The following LYPLAL1 variants were observed in gnomAD, a reference collection of about 807,000 sequenced individuals.
LYPLAL1 encodes lysophospholipase like 1, also known as lysophospholipase-like protein 1.
Under a neutral mutation model 19.7 loss-of-function variants are expected in LYPLAL1, and 23 were observed. The ratio of observed to expected loss-of-function variants is 1.17; its 90% CI spans 0.84 to 1.65. LYPLAL1 has a LOEUF of 1.65. LYPLAL1 is among the 40% of genes most tolerant of loss of function. The pLI, the probability that LYPLAL1 is intolerant of heterozygous loss-of-function variation, is 0.00. For missense variants in LYPLAL1, 355 were observed against 279.4 expected (o/e 1.27, Z -1.93); for synonymous variants, 119 against 96.3 (o/e 1.24, Z -1.38).
At chr1:219,263,985 A>G in the LYPLAL1 span, among the ~76,000 whole-genome samples, 1 of 152,194 alleles carries the variant, frequency 6.6e-6, no homozygotes, top group African/African-American at 2.4e-5. Flanking sequence ...AAAAGTTCAT[A>G]GTGTGAGTCT....
At chr1:219,309,492 A>T in the LYPLAL1 span, among the ~76,000 whole-genome samples, 1 of 152,114 alleles carries the variant, frequency 6.6e-6, no homozygotes, top group Non-Finnish European at 1.5e-5. Flanking sequence ...GTCCCCACCC[A>T]TATCTCATCT....
the LYPLAL1 span, among the ~76,000 whole-genome samples, chr1:219,277,913 AG>A: frequency 2.2e-5 from 1 of 45,576 alleles, no homozygotes; most frequent in African/African-American, 6.2e-5. Flanking sequence ...GTTTCCAAGG[AG>A]AAGAAGTTTT....
At chr1:219,400,402 A>G in the LYPLAL1 span, among the ~76,000 whole-genome samples, 1,705 of 152,278 alleles carry the variant, frequency 0.011, 35 homozygotes, top group African/African-American at 0.038. Context: ...AATATCATCA[A>G]TAAGAAATTC....
chr1:219,271,289 A>G, the LYPLAL1 span: 1 of 151,928 alleles, frequency 6.6e-6, no homozygotes, highest in Non-Finnish European at 1.5e-5. Flanking sequence ...TCTGTGGGAC[A>G]TGGAGAAACT....
the LYPLAL1 span, among the ~76,000 whole-genome samples, chr1:219,376,540 T>C: frequency 1.1e-4 from 16 of 152,132 alleles, no homozygotes; most frequent in African/African-American, 3.9e-4. Flanking sequence ...AGACAAGTCA[T>C]GGAATAGCAC....
At chr1:219,398,061 A>C in the LYPLAL1 span, among the ~76,000 whole-genome samples, 2 of 152,200 alleles carry the variant, frequency 1.3e-5, no homozygotes, top group African/African-American at 4.8e-5. Flanking sequence ...GTAGCTTTGA[A>C]GTTCACTGCA....
chr1:219,283,179 T>G, the LYPLAL1 span, among the ~76,000 whole-genome samples: 1 of 152,230 alleles, frequency 6.6e-6, no homozygotes, highest in Non-Finnish European at 1.5e-5. Flanking sequence ...AGCTCCATAT[T>G]TGGTGCTCTT....
chr1:219,441,096 G>A, the LYPLAL1 span, among the ~76,000 whole-genome samples: 2 of 152,112 alleles, frequency 1.3e-5, no homozygotes, highest in African/African-American at 4.8e-5. Context: ...AATTCTACAG[G>A]AAAACAATGT....
the LYPLAL1 span, among the ~76,000 whole-genome samples, chr1:219,257,357 TTG>T: frequency 0.023 from 931 of 41,370 alleles, 28 homozygotes; most frequent in African/African-American, 0.058. Context: ...ATACCAGTTT[TTG>T]TTTTTTTTTT....
At chr1:219,303,039 C>G in the LYPLAL1 span, among the ~76,000 whole-genome samples, 1 of 152,228 alleles carries the variant, frequency 6.6e-6, no homozygotes, top group Non-Finnish European at 1.5e-5. Context: ...TCTATTCACT[C>G]TGTATTCTCA....
At chr1:219,327,888 G>A in the LYPLAL1 span, among the ~76,000 whole-genome samples, 5 of 152,132 alleles carry the variant, frequency 3.3e-5, no homozygotes, top group Admixed American at 1.3e-4. Context: ...CCCCAGCCAC[G>A]TGAAACTGAG....
chr1:219,443,883 G>A, the LYPLAL1 span, among the ~76,000 whole-genome samples: 15,127 of 152,214 alleles, frequency 0.099, 761 homozygotes, highest in Middle Eastern at 0.19. Context: ...TACCAGGCTG[G>A]AACCAGCCCC....
At chr1:219,307,235 C>T in the LYPLAL1 span, among the ~76,000 whole-genome samples, 1 of 152,126 alleles carries the variant, frequency 6.6e-6, no homozygotes, top group African/African-American at 2.4e-5. Flanking sequence ...TCCCGACTGT[C>T]TTGCTTGTGA....
chr1:219,202,283 C>T (rs1286032601), intron 3 of LYPLAL1, among the ~76,000 whole-genome samples: 2 of 152,116 alleles, frequency 1.3e-5, no homozygotes, highest in Non-Finnish European at 2.9e-5. Context: ...GTTTTCTTGC[C>T]ATTATTACAT....
intron 3 of LYPLAL1, among the ~76,000 whole-genome samples, chr1:219,201,041 A>G (rs1658055209): frequency 6.6e-6 from 1 of 152,212 alleles, no homozygotes; most frequent in African/African-American, 2.4e-5. Flanking sequence ...TGTCACAAAA[A>G]AAGTGTACCA....
At chr1:219,359,295 T>C in the LYPLAL1 span, among the ~76,000 whole-genome samples, 1 of 152,184 alleles carries the variant, frequency 6.6e-6, no homozygotes, top group Non-Finnish European at 1.5e-5. Flanking sequence ...CACTTCAGTG[T>C]TCAACTCTTA....
At chr1:219,308,839 G>A in the LYPLAL1 span, among the ~76,000 whole-genome samples, 2 of 152,176 alleles carry the variant, frequency 1.3e-5, no homozygotes, top group South Asian at 4.2e-4. Context: ...ATGAGGGGTT[G>A]GAGCCCCCAC....
intron 3 of LYPLAL1, among the ~76,000 whole-genome samples, chr1:219,205,363 C>CAAAAAAAAAAA (rs66877413): frequency 1.6e-5 from 2 of 128,432 alleles, no homozygotes; most frequent in Admixed American, 8.1e-5. Context: ...GACTCCGTCT[C>CAAAAAAAAAAA]AAAAAAAAAA....
At chr1:219,285,138 A>C in the LYPLAL1 span, among the ~76,000 whole-genome samples, 1 of 152,250 alleles carries the variant, frequency 6.6e-6, no homozygotes. Context: ...ATTTGTCATG[A>C]GTAAGTCTTC....
Sources: allele counts gnomAD v4.1 joint callset (sites outside exome capture counted in the v4.1 genomes callset), GRCh38; gene constraint gnomAD v4.1.1; transcripts MANE v1.5; gene names NCBI Gene and HGNC (gene_info 2026-07-23, HGNC 2026-07-21).